STX8: variants seen among roughly 807,000 people sequenced by gnomAD.
STX8 encodes syntaxin-8.
STX8 carries 23 observed loss-of-function variants against 37.5 expected under a neutral mutation model. That is an observed-to-expected ratio of 0.61 (90% CI 0.44 to 0.87). The LOEUF is 0.87. Ranked by LOEUF, STX8 falls within the 40% of genes least tolerant of loss-of-function variation. The probability of loss-of-function intolerance (pLI) is 0.00; values close to 1 mark genes in which losing one functional copy is unlikely to be tolerated. For missense variants in STX8, 313 were observed against 284.7 expected, an observed-to-expected ratio of 1.10 and a Z score of -0.71; for synonymous variants, 115 against 99.1, an observed-to-expected ratio of 1.16 and a Z score of -0.95.
chr17:9,299,587 GC>G lies in STX8; in HGVS notation c.644-48943del, dbSNP rs1286423028. On this transcript the variant is annotated intron_variant, in intron 7 of 7. Coordinates refer to ENST00000306357, the MANE Select transcript of STX8 (RefSeq NM_004853.3). The stretch of plus-strand genomic sequence containing the variant: ...GCCTCCTGAGTAGCTGGGACTACAG[GC>G]GCCCGCCACCACACCCGGCTAATTT... Among the ~76,000 whole-genome samples the G allele has an allele frequency of 2.0e-5, 3 of 151,908 alleles. No individual in the cohort carries two copies. The East Asian group carries it at 5.8e-4, about 29-fold the overall frequency.
chr17:9,272,776 G>T (rs1343309992), intron 7 of STX8, among the ~76,000 whole-genome samples: 1 of 152,168 alleles, frequency 6.6e-6, no homozygotes, highest in African/African-American at 2.4e-5. Context: ...TTGATAGCAT[G>T]ATTGCAATAT....
intron 1 of STX8, among the ~76,000 whole-genome samples, chr17:9,572,282 T>C (rs1474847665): frequency 1.3e-5 from 2 of 152,308 alleles, no homozygotes; most frequent in East Asian, 1.9e-4. Flanking sequence ...CTTGCTTTGA[T>C]AGGCCATTAA....
intron 1 of STX8, among the ~76,000 whole-genome samples, chr17:9,572,677 G>A (rs35986842): frequency 0.67 from 102,051 of 151,858 alleles, 37,429 homozygotes; most frequent in East Asian, 0.98. Flanking sequence ...CAAAGTGCTA[G>A]GATTACAGGT....
chr17:9,331,248 C>T (rs112269141), intron 7 of STX8, among the ~76,000 whole-genome samples: 33 of 152,268 alleles, frequency 2.2e-4, no homozygotes, highest in Admixed American at 1.3e-3. Context: ...CATCCTGTTA[C>T]GCAACGATAT....
At chr17:9,544,350 C>A (rs1306466162) in intron 4 of STX8, among the ~76,000 whole-genome samples, 1 of 152,094 alleles carries the variant, frequency 6.6e-6, no homozygotes, top group Middle Eastern at 3.2e-3. Context: ...GACCCGTCCT[C>A]CAGGTCTTCC....
chr17:9,452,003 A>AT, intron 6 of STX8, among the ~76,000 whole-genome samples: 1 of 152,320 alleles, frequency 6.6e-6, no homozygotes, highest in Admixed American at 6.5e-5. Flanking sequence ...ATCTCTCTTA[A>AT]TATAAAGTGC....
intron 6 of STX8, among the ~76,000 whole-genome samples, chr17:9,462,981 A>G (rs1248383675): frequency 6.6e-6 from 1 of 152,208 alleles, no homozygotes; most frequent in Non-Finnish European, 1.5e-5. Context: ...ACAGCCTTAT[A>G]AAGTCCAAGG....
At chr17:9,429,714 T>C (rs1231704133) in intron 6 of STX8, among the ~76,000 whole-genome samples, 3 of 102,110 alleles carry the variant, frequency 2.9e-5, no homozygotes, top group Non-Finnish European at 5.6e-5. Flanking sequence ...AAAAAATATA[T>C]ATTATATATT....
intron 4 of STX8, among the ~76,000 whole-genome samples, chr17:9,536,868 C>T (rs1413217024): frequency 2.6e-5 from 4 of 151,950 alleles, no homozygotes; most frequent in Admixed American, 6.6e-5. Flanking sequence ...CTCAGCCTCC[C>T]GAATAGCTGG....
chr17:9,469,591 AC>A (rs1269110918), intron 6 of STX8, among the ~76,000 whole-genome samples: 1 of 152,116 alleles, frequency 6.6e-6, no homozygotes, highest in Non-Finnish European at 1.5e-5. Context: ...CATAAACACA[AC>A]CAGTTCTTCT....
chr17:9,542,990 G>T (rs75199773), intron 4 of STX8, among the ~76,000 whole-genome samples: 1,705 of 152,232 alleles, frequency 0.011, 36 homozygotes, highest in African/African-American at 0.038. Flanking sequence ...GACTTCAGAG[G>T]TCCTCAGCCT....
At chr17:9,301,990 G>A (rs2142178684) in intron 7 of STX8, among the ~76,000 whole-genome samples, 1 of 152,218 alleles carries the variant, frequency 6.6e-6, no homozygotes, top group South Asian at 2.1e-4. Flanking sequence ...TTCTGAAATA[G>A]TTTATATAAC....
chr17:9,334,221 G>A (rs141349065), intron 7 of STX8, among the ~76,000 whole-genome samples: 263 of 152,152 alleles, frequency 1.7e-3, no homozygotes, highest in African/African-American at 6.0e-3. Flanking sequence ...ATCCATCAAG[G>A]GTAGAGTCTG....
At chr17:9,256,418 G>A (rs760589312) in intron 7 of STX8, among the ~76,000 whole-genome samples, 10 of 151,910 alleles carry the variant, frequency 6.6e-5, no homozygotes, top group Admixed American at 5.9e-4. Flanking sequence ...CTTCCTTAAC[G>A]TTTTATGATG....
At chr17:9,382,196 C>T (rs1241921270) in intron 6 of STX8, among the ~76,000 whole-genome samples, 1 of 148,718 alleles carries the variant, frequency 6.7e-6, no homozygotes, top group Non-Finnish European at 1.5e-5. Context: ...CACACACACA[C>T]ATATGCCCTG....
At chr17:9,251,265 T>G (rs953444118) in intron 7 of STX8, among the ~76,000 whole-genome samples, 37 of 152,220 alleles carry the variant, frequency 2.4e-4, no homozygotes, top group African/African-American at 7.2e-4. Context: ...AGCCCCGCCC[T>G]GCCTCCTCTG....
chr17:9,442,136 T>C (rs1904686720), intron 6 of STX8, among the ~76,000 whole-genome samples: 1 of 152,140 alleles, frequency 6.6e-6, no homozygotes, highest in Non-Finnish European at 1.5e-5. Flanking sequence ...GCCACACACG[T>C]TTTTCTTCCT....
intron 7 of STX8, among the ~76,000 whole-genome samples, chr17:9,288,695 TAAA>T (rs1212420309): frequency 1.0e-4 from 15 of 150,692 alleles, no homozygotes; most frequent in African/African-American, 3.6e-4. Flanking sequence ...AATAAATAAA[TAAA>T]TAAATAAAAG....
intron 7 of STX8, among the ~76,000 whole-genome samples, chr17:9,301,569 A>G (rs539567320): frequency 6.0e-4 from 90 of 150,476 alleles, no homozygotes; most frequent in East Asian, 5.1e-3. Flanking sequence ...TGCAAGCTCC[A>G]CCTCCCGCGT....
Sources: allele counts gnomAD v4.1 joint callset (sites outside exome capture counted in the v4.1 genomes callset), GRCh38; gene constraint gnomAD v4.1.1; transcripts MANE v1.5; gene names NCBI Gene and HGNC (gene_info 2026-07-23, HGNC 2026-07-21).